TNKS1BP1: variants seen among roughly 807,000 people sequenced by gnomAD.
TNKS1BP1 encodes 182 kDa tankyrase-1-binding protein.
Under a neutral mutation model 141.1 loss-of-function variants are expected in TNKS1BP1, and 48 were observed. The ratio of observed to expected loss-of-function variants is 0.34; its 90% confidence interval spans 0.27 to 0.43. TNKS1BP1 has a LOEUF of 0.43. Ranked by LOEUF, TNKS1BP1 falls within the 20% of genes least tolerant of loss-of-function variation. The pLI is 1.00. For missense variants in TNKS1BP1, 2,149 were observed against 2,226.0 expected (o/e 0.97, Z 0.70); for synonymous variants, 875 against 898.2 (o/e 0.97, Z 0.46).
chr11:57,302,099 A>G lies in TNKS1BP1; in HGVS notation c.4809T>C (p.Asp1603=), dbSNP rs1384803251. ...TLGLSEAADS[D]AHLFQDSTEP... ...CTGTAGAGTCCTGGAACAGGTGTGCATCCGAGTCTGCTGCCTCCGACAGGC... is the reference window on the plus strand; with the variant it reads ...CTGTAGAGTCCTGGAACAGGTGTGCGTCCGAGTCTGCTGCCTCCGACAGGC... The change falls in exon 8 of 12, where the codon GAT becomes GAC. Residue 1603 remains aspartate, a synonymous_variant. Coordinates refer to ENST00000358252, the MANE Select transcript of TNKS1BP1 (RefSeq NM_033396.3). This position sits in a 1 kb window ranked among gnomAD's most constrained non-coding sequence, Gnocchi z 5.5. 1.2e-6 allele frequency: 2 copies of G among 1,613,918 alleles called. No homozygotes were observed. Among genetic ancestry groups the G allele is most frequent in the Non-Finnish European group, 8.5e-7 (1 of 1,179,882 alleles).
Position 57,318,223 on chromosome 11 carries a change from TCTC to T in TNKS1BP1, c.729-339_729-337del, listed in dbSNP as rs762930037. The stretch of plus-strand genomic sequence containing the variant: ...CCTTTAACCCATAAGGAGTTAAAGT[TCTC>T]CTCTAGCCAGGAAGAGTGCAGCTGG... On this transcript the variant is annotated intron_variant, in intron 3 of 11. Transcript: ENST00000358252. Among the ~76,000 whole-genome samples, 40 of 152,334 alleles carry T rather than the reference TCTC, an allele frequency of 2.6e-4. No individual in the cohort carries two copies. The South Asian group carries it at 5.0e-3, about 19-fold the overall frequency.
At chr11:57,319,584 G>T (rs1171990380) in intron 3 of TNKS1BP1, among the ~76,000 whole-genome samples, 1 of 152,036 alleles carries the variant, frequency 6.6e-6, no homozygotes, top group African/African-American at 2.4e-5. Context: ...GGCCAACAGG[G>T]TGAAACCCCA....
Position 57,300,967 on chromosome 11 carries a change from G to A in TNKS1BP1, c.5046C>T (p.Ser1682=), listed in dbSNP as rs76459169. 5.4e-5 allele frequency: 87 copies of A among 1,614,050 alleles called. 2 individuals are homozygous for A. Among genetic ancestry groups the A allele is most frequent in the South Asian group, 4.3e-4 (39 of 91,058 alleles). ...TGCAGGATTTCGAACGCTGGACCGC[G>A]GACTCCTTCTGGCTCGACTTGCTCT... ...LAESKSSQKE[S]AVQRSKSCKV... Residue 1682 remains serine, a synonymous_variant, in exon 10 of 12, where the codon TCC becomes TCT. Coordinates refer to ENST00000358252, the MANE Select transcript of TNKS1BP1 (RefSeq NM_033396.3).
At position 57,310,244 on chromosome 11, in the gene TNKS1BP1, G is replaced by A. The variant is rs185490044; in HGVS notation, c.2467C>T (p.Arg823Trp). 33 of 1,613,942 alleles carry A rather than the reference G, an allele frequency of 2.0e-5. No homozygotes were observed. The highest frequency in any genetic ancestry group is 5.3e-5 in the African/African-American group (4 of 74,886). ...AGCTGGGCTGGCTTTCCAACTACCC[G>A]GTCCTGGGCTGTGAGCACCCCTGGG... is the stretch of plus-strand genomic sequence containing the variant. Reference protein sequence around the residue: ...SAPGVLTAQDRVVGKPAQLGT... With the variant: ...SAPGVLTAQDWVVGKPAQLGT... The change falls in exon 6 of 12, where the codon CGG becomes TGG. Residue 823 changes from arginine (R) to tryptophan (W), a missense_variant. Coordinates refer to ENST00000358252, the MANE Select transcript of TNKS1BP1 (RefSeq NM_033396.3).
chr11:57,321,744 T>TCCCACCCCCCCCCCC, intron 2 of TNKS1BP1, 48 bp downstream of exon 2: 2 of 1,039,822 alleles, frequency 1.9e-6, no homozygotes, highest in Non-Finnish European at 1.5e-6. Flanking sequence ...CCTCTGTCCT[T>TCCCACCCCCCCCCCC]CCCACCCCCC....
chr11:57,320,022 A>AAACCAC, intron 3 of TNKS1BP1, 57 bp downstream of exon 3: 1 of 1,118,688 alleles, frequency 8.9e-7, no homozygotes, highest in Non-Finnish European at 1.3e-6. Context: ...CCCCCACCCA[A>AAACCAC]TCCCACCCCA....
At position 57,320,411 on chromosome 11, in the gene TNKS1BP1, G is replaced by C. The variant is rs752575738; in HGVS notation, c.396C>G (p.Pro132=). The change falls in exon 3 of 12, where the codon CCC becomes CCG. Residue 132 remains proline (P), a synonymous_variant. Coordinates refer to ENST00000358252, the MANE Select transcript of TNKS1BP1 (RefSeq NM_033396.3). ...AGKEEPPPLT[P]PARCAAPGGV... Reference sequence around the variant, plus strand: ...CCCCTGGGGCTGCACATCGAGCTGGGGGTGTCAAAGGGGGTGGCTCCTCTT... The same window carrying C: ...CCCCTGGGGCTGCACATCGAGCTGGCGGTGTCAAAGGGGGTGGCTCCTCTT... The C allele has an allele frequency of 1.2e-6, 2 of 1,610,700 alleles. No individual in the cohort carries two copies. The highest frequency in any genetic ancestry group is 1.7e-6 in the Non-Finnish European group (2 of 1,177,392).
At position 57,312,488 on chromosome 11, in the gene TNKS1BP1, T is replaced by C. The variant is rs1163348104; in HGVS notation, c.2154+46A>G. On this transcript the variant is annotated intron_variant, in intron 5 of 11. Transcript: ENST00000358252. ...CAAAGAATGAAGCCCACCCAAGCCC[T>C]GGCCTCTGTCCCCAGAAGTCCCATT... is the stretch of plus-strand genomic sequence containing the variant. The C allele has an allele frequency of 2.1e-6, 3 of 1,415,636 alleles. No individual in the cohort carries two copies. In the African/African-American group the frequency reaches 4.4e-5, roughly 21 times the overall value. 87.7% of individuals were successfully genotyped at this position (1,415,636 alleles called of 1,614,324 possible). A position where few individuals can be genotyped will look rare whatever the true frequency, so the allele number is the denominator to read the frequency against.
At chr11:57,315,589 C>T (rs932493680) in intron 4 of TNKS1BP1, among the ~76,000 whole-genome samples, 2 of 152,072 alleles carry the variant, frequency 1.3e-5, no homozygotes, top group Admixed American at 6.6e-5. Context: ...CAGAATCCCA[C>T]GGCACTCCCC....
chr11:57,312,777 G>T lies in TNKS1BP1; in HGVS notation c.1911C>A (p.Ala637=). 1 of 1,608,270 alleles carries T rather than the reference G, an allele frequency of 6.2e-7. No individual in the cohort carries two copies. The highest frequency in any genetic ancestry group is 8.5e-7 in the Non-Finnish European group (1 of 1,176,702). Residue 637 remains alanine (A), a synonymous_variant, in exon 5 of 12, where the codon GCC becomes GCA. Coordinates refer to ENST00000358252, the MANE Select transcript of TNKS1BP1 (RefSeq NM_033396.3). ...CAGGCAGTGCCTGTCCAGGCTCAGG[G>T]GCATCAGCAAAGAGAACACAGGGCT... The part of the protein sequence containing the change: ...PDQPCVLFAD[A]PEPGQALPVE...
In TNKS1BP1 at chr11:57,302,815, A is replaced by C. The variant is rs768751538; in HGVS notation, c.4327T>G (p.Cys1443Gly). ...ALSFGASPGR[C>G]PARPPPSGSQ... ...CCGGAGGGTGGGGGGCGGGCCGGGC[A>C]CCTGCCAGGGCTGTAAAGGGGACAG... is the stretch of plus-strand genomic sequence containing the variant. Residue 1443 changes from cysteine to glycine, a missense_variant, in exon 7 of 12, where the codon TGC (cysteine) becomes GGC (glycine). Physicochemically the swap from Cys to Gly is radical, Grantham distance 159. Coordinates refer to ENST00000358252, the MANE Select transcript of TNKS1BP1 (RefSeq NM_033396.3). The surrounding 1 kb of genome is among the most constrained non-coding windows in gnomAD (Gnocchi z 5.5). The C allele has an allele frequency of 6.5e-6, 10 of 1,536,040 alleles. No homozygotes were observed. In the South Asian group the frequency reaches 9.8e-5, roughly 15 times the overall value.
At chr11:57,322,084 G>A in intron 1 of TNKS1BP1, 134 bp from the exon 2 acceptor site, 1 of 476,390 alleles carries the variant, frequency 2.1e-6, no homozygotes, top group East Asian at 6.1e-5. Flanking sequence ...GGGGGGGGGG[G>A]TAGGAGGAGG....
intron 6 of TNKS1BP1, among the ~76,000 whole-genome samples, chr11:57,307,809 C>T (rs1300752087): frequency 1.3e-5 from 2 of 152,250 alleles, no homozygotes; most frequent in African/African-American, 4.8e-5. Context: ...AAAGTTCTTT[C>T]AGCAAATTTG....
At position 57,302,229 on chromosome 11, in the gene TNKS1BP1, T is replaced by C; in HGVS notation, c.4684-5A>G. On this transcript the variant is annotated splice_region_variant and splice_polypyrimidine_tract_variant and intron_variant, in intron 7 of 11. Coordinates refer to ENST00000358252, the MANE Select transcript of TNKS1BP1 (RefSeq NM_033396.3). The surrounding 1 kb of genome is among the most constrained non-coding windows in gnomAD (Gnocchi z 5.5). ...ACTGTCGAGGATCTCGGTGTCCTGC[T>C]TGGGGCAATGGTGACACCACTGCCA... 6.2e-7 allele frequency: 1 copy of C among 1,608,556 alleles called. No homozygotes were observed. Among genetic ancestry groups the C allele is most frequent in the Non-Finnish European group, 8.5e-7 (1 of 1,177,690 alleles).
In TNKS1BP1 at chr11:57,300,528, C is replaced by T; in HGVS notation, c.*12G>A. On this transcript the variant is annotated splice_region_variant and 3_prime_UTR_variant, in exon 11 of 12. Coordinates refer to ENST00000358252, the MANE Select transcript of TNKS1BP1 (RefSeq NM_033396.3). ...TCCAAGCCCAGGAACCTGTCCTCAC[C>T]TCAGTGACTTCTCAGACCTTCTTCT... The T allele has an allele frequency of 6.2e-7, 1 of 1,614,238 alleles. No individual in the cohort carries two copies. The highest frequency in any genetic ancestry group is 8.5e-7 in the Non-Finnish European group (1 of 1,180,034).
chr11:57,321,648 A>G, intron 2 of TNKS1BP1, 144 bp downstream of exon 2: 1 of 918,334 alleles, frequency 1.1e-6, no homozygotes, highest in Non-Finnish European at 1.6e-6. Flanking sequence ...GAACCTTTCA[A>G]ACTCATCCTG....
intron 1 of TNKS1BP1, among the ~76,000 whole-genome samples, chr11:57,323,407 C>G (rs1855915893): frequency 6.6e-6 from 1 of 152,174 alleles, no homozygotes. Context: ...GCGGAAGTTT[C>G]CCTCACCTGG....
At chr11:57,304,376 C>T (rs1349083010) in intron 6 of TNKS1BP1, among the ~76,000 whole-genome samples, 4 of 152,162 alleles carry the variant, frequency 2.6e-5, no homozygotes, top group African/African-American at 7.2e-5. Context: ...GAGGCAGTGG[C>T]GGCAGCAGAA....
chr11:57,324,791 C>T (rs1211352668), intron 1 of TNKS1BP1, 49 bp downstream of exon 1: 2 of 985,514 alleles, frequency 2.0e-6, no homozygotes, highest in African/African-American at 3.5e-5. Flanking sequence ...TCCCCCGCCC[C>T]ATCCCGGACC....
Sources: gnomAD v4.1 joint callset for allele counts (sites outside exome capture counted in the v4.1 genomes callset) on GRCh38, gnomAD v4.1.1 for gene constraint, Gnocchi (gnomAD v3.1) non-coding constraint, MANE v1.5 for transcripts, NCBI Gene and HGNC (gene_info 2026-07-23, HGNC 2026-07-21) for gene names.